The following NDUFAF6 variants were observed in gnomAD, a reference collection of about 807,000 sequenced individuals.
NDUFAF6 encodes the protein NADH dehydrogenase (ubiquinone) complex I, assembly factor 6.
NDUFAF6 carries 45 observed loss-of-function variants against 40.8 expected under a neutral mutation model. That is an observed-to-expected ratio of 1.10 (90% CI 0.87 to 1.42). The LOEUF (loss-of-function observed/expected upper bound fraction) is 1.42, where lower values mean the gene tolerates loss of function less well. NDUFAF6 is among the 40% of genes most tolerant of loss of function. The probability of loss-of-function intolerance (pLI) is 0.00; values close to 1 mark genes in which losing one functional copy is unlikely to be tolerated. For synonymous variants in NDUFAF6, 185 were observed against 155.9 expected, an observed-to-expected ratio of 1.19 and a Z score of -1.39; for missense variants, 435 against 418.5, an observed-to-expected ratio of 1.04 and a Z score of -0.34.
chr8:94,944,796 C>T (rs1197199179), intron 1 of NDUFAF6, among the ~76,000 whole-genome samples: 2 of 152,208 alleles, frequency 1.3e-5, no homozygotes, highest in African/African-American at 4.8e-5. Context: ...ATTGGCCCTT[C>T]TGAGCTTCAG....
At chr8:95,097,555 C>T (rs1223770101), upstream of NDUFAF6, among the ~76,000 whole-genome samples, 3 of 152,042 alleles carry the variant, frequency 2.0e-5, no homozygotes, top group African/African-American at 4.8e-5. Context: ...GAAAATTAGC[C>T]GGGCATGGTG....
At chr8:94,921,436 T>C (rs1819496589) in intron 1 of NDUFAF6, among the ~76,000 whole-genome samples, 1 of 152,154 alleles carries the variant, frequency 6.6e-6, no homozygotes, top group African/African-American at 2.4e-5. Flanking sequence ...ATTCATATGC[T>C]TACTCCTGGA....
At position 95,052,166 on chromosome 8, in the gene NDUFAF6, CTTTT is replaced by C; in HGVS notation, c.817-6_817-3del. 6.2e-7 allele frequency: 1 copy of C among 1,613,990 alleles called. No individual in the cohort carries two copies. The highest frequency in any genetic ancestry group is 1.7e-5 in the Admixed American group (1 of 60,014). ...TTTGAACGAGCTTCCTCTCCTCTTC[CTTTT>C]TAGGCTAGGTCCTTTCACAAAACTG... On this transcript the variant is annotated splice_region_variant and splice_polypyrimidine_tract_variant and intron_variant, in intron 7 of 8. Coordinates refer to ENST00000396124, the MANE Select transcript of NDUFAF6 (RefSeq NM_152416.4).
chr8:94,949,682 T>A (rs944268862), intron 2 of NDUFAF6, among the ~76,000 whole-genome samples: 1 of 151,544 alleles, frequency 6.6e-6, no homozygotes, highest in Non-Finnish European at 1.5e-5. Flanking sequence ...GCGGGGTGCG[T>A]AAGAGGCGGG....
chr8:94,940,818 A>C (rs762145093), intron 1 of NDUFAF6: 1 of 1,595,666 alleles, frequency 6.3e-7, no homozygotes. Flanking sequence ...CAAGTAACCA[A>C]GTGTACCTTA....
At chr8:94,943,962 G>A (rs956561548) in intron 1 of NDUFAF6, among the ~76,000 whole-genome samples, 1 of 152,204 alleles carries the variant, frequency 6.6e-6, no homozygotes, top group African/African-American at 2.4e-5. Flanking sequence ...TGTTTGACCT[G>A]CTGTGGTGTG....
At chr8:95,087,231 C>T (rs1250388994) in intron 2 of NDUFAF6, among the ~76,000 whole-genome samples, 1 of 152,200 alleles carries the variant, frequency 6.6e-6, no homozygotes, top group African/African-American at 2.4e-5. Context: ...ACTTTTCATA[C>T]TTGCATCTTC....
intron 1 of NDUFAF6, among the ~76,000 whole-genome samples, chr8:94,931,401 CA>C (rs201654101): frequency 0.02 from 3,104 of 152,236 alleles, 37 homozygotes; most frequent in African/African-American, 0.032. Flanking sequence ...TTGAATAACA[CA>C]ATCTTAAAAT....
chr8:94,942,950 A>G (rs1379516479), intron 1 of NDUFAF6, among the ~76,000 whole-genome samples: 1 of 152,252 alleles, frequency 6.6e-6, no homozygotes, highest in African/African-American at 2.4e-5. Flanking sequence ...GGAAAAGTCA[A>G]AGACCCAGGT....
intron 2 of NDUFAF6, among the ~76,000 whole-genome samples, chr8:95,018,129 C>T (rs1827541396): frequency 6.6e-6 from 1 of 152,004 alleles, no homozygotes; most frequent in African/African-American, 2.4e-5. Flanking sequence ...CTGTGTCAAC[C>T]TCCAGGGCTT....
chr8:94,948,734 C>G (rs1033366108), intron 2 of NDUFAF6, among the ~76,000 whole-genome samples: 27 of 152,252 alleles, frequency 1.8e-4, no homozygotes, highest in African/African-American at 6.5e-4. Flanking sequence ...CGGCCCCATC[C>G]AACGGCCGAG....
upstream of NDUFAF6, among the ~76,000 whole-genome samples, chr8:95,023,535 T>G (rs189574946): frequency 1.7e-4 from 26 of 152,186 alleles, no homozygotes; most frequent in Admixed American, 1.6e-3. Flanking sequence ...AACGCCATGA[T>G]CAGATGGACA....
chr8:95,050,587 G>A (rs564864484), intron 7 of NDUFAF6, among the ~76,000 whole-genome samples: 1 of 152,304 alleles, frequency 6.6e-6, no homozygotes, highest in African/African-American at 2.4e-5. Flanking sequence ...TATATGAAGA[G>A]TTTATAATGA....
intron 7 of NDUFAF6, among the ~76,000 whole-genome samples, chr8:95,050,203 G>A (rs750978268): frequency 2.6e-5 from 4 of 152,182 alleles, no homozygotes; most frequent in Non-Finnish European, 4.4e-5. Flanking sequence ...AAGAAATACC[G>A]ATTCCCAGGC....
chr8:94,945,834 A>C (rs1339250996), intron 2 of NDUFAF6, among the ~76,000 whole-genome samples: 1 of 152,252 alleles, frequency 6.6e-6, no homozygotes, highest in African/African-American at 2.4e-5. Flanking sequence ...AGCTTTAACC[A>C]GCGTCAGTCC....
chr8:95,063,183 G>A (rs1232887444), downstream of NDUFAF6, among the ~76,000 whole-genome samples: 1 of 152,180 alleles, frequency 6.6e-6, no homozygotes, highest in Admixed American at 6.5e-5. Flanking sequence ...TATCCTAATG[G>A]AGATTATCTA....
chr8:94,967,617 C>T (rs1471801396), intron 1 of NDUFAF6, among the ~76,000 whole-genome samples: 1 of 151,912 alleles, frequency 6.6e-6, no homozygotes, highest in Non-Finnish European at 1.5e-5. Context: ...CCTCTGGCTT[C>T]GGTTCTCTCA....
intron 2 of NDUFAF6, among the ~76,000 whole-genome samples, chr8:95,093,501 C>A (rs1809337119): frequency 6.6e-6 from 1 of 152,274 alleles, no homozygotes. Flanking sequence ...TAACTCATAC[C>A]CTATAGTTCA....
At chr8:94,914,599 G>T (rs191021093) in intron 1 of NDUFAF6, among the ~76,000 whole-genome samples, 1 of 152,296 alleles carries the variant, frequency 6.6e-6, no homozygotes, top group Non-Finnish European at 1.5e-5. Flanking sequence ...CCAGGAAAGA[G>T]CTGTTTCTTC....
Sources: allele counts gnomAD v4.1 joint callset (sites outside exome capture counted in the v4.1 genomes callset), GRCh38; gene constraint gnomAD v4.1.1; transcripts MANE v1.5; gene names NCBI Gene and HGNC (gene_info 2026-07-23, HGNC 2026-07-21).